ALPK2: variants seen among roughly 807,000 people sequenced by gnomAD.
The protein encoded by ALPK2 is alpha-protein kinase 2.
ALPK2 carries 127 observed loss-of-function variants against 163.1 expected under a neutral mutation model. The observed-to-expected ratio is 0.78, with a 90% CI of 0.67 to 0.90. The LOEUF (loss-of-function observed/expected upper bound fraction) is 0.90. Among genes scored for constraint, ALPK2 ranks in the 40% least tolerant of loss-of-function variants. ALPK2 has a pLI of 0.00. For synonymous variants in ALPK2, 953 were observed against 959.1 expected (o/e 0.99, Z 0.12); for missense variants, 2,360 against 2,589.6 (o/e 0.91, Z 1.92).
At chr18:58,531,648 GA>G (rs34960653) in intron 5 of ALPK2, among the ~76,000 whole-genome samples, 15,412 of 103,222 alleles carry the variant, frequency 0.15, 1,080 homozygotes, top group Middle Eastern at 0.3. Flanking sequence ...GTGATAAGTT[GA>G]AAAAAAAAAA....
intron 4 of ALPK2, among the ~76,000 whole-genome samples, chr18:58,552,719 G>A (rs948131564): frequency 2.0e-5 from 3 of 150,562 alleles, no homozygotes; most frequent in Admixed American, 6.6e-5. Context: ...CTTAGGGTCG[G>A]CAGGTGTTCT....
intron 4 of ALPK2, among the ~76,000 whole-genome samples, chr18:58,546,839 T>G (rs2051720095): frequency 6.6e-6 from 1 of 152,212 alleles, no homozygotes; most frequent in Admixed American, 6.5e-5. Flanking sequence ...TGCAACTGTA[T>G]GCAAACATAA....
intron 11 of ALPK2, among the ~76,000 whole-genome samples, chr18:58,503,155 G>A (rs116759454): frequency 1.0e-3 from 152 of 152,356 alleles, no homozygotes; most frequent in African/African-American, 3.6e-3. Flanking sequence ...AGAAGAAATG[G>A]TATTCCTAAA....
chr18:58,486,597 T>C (rs775255966), intron 12 of ALPK2, among the ~76,000 whole-genome samples: 14 of 152,192 alleles, frequency 9.2e-5, no homozygotes, highest in Non-Finnish European at 2.1e-4. Flanking sequence ...TGAACATCTC[T>C]TTCTCTAATT....
chr18:58,529,354 A>G, intron 5 of ALPK2, 116 bp from the exon 6 acceptor site: 1 of 1,151,594 alleles, frequency 8.7e-7, no homozygotes, highest in Non-Finnish European at 1.2e-6. Context: ...CAATTATGGA[A>G]GTGAGAATTG....
chr18:58,601,722 CCAATCCGT>C (rs2052070868), intron 3 of ALPK2, among the ~76,000 whole-genome samples: 3 of 152,124 alleles, frequency 2.0e-5, no homozygotes. Context: ...TCCAGCCCAG[CCAATCCGT>C]AAATGGACTT....
At chr18:58,578,233 T>A (rs2051932191) in intron 4 of ALPK2, 1 of 152,196 alleles carries the variant, frequency 6.6e-6, no homozygotes, top group Non-Finnish European at 1.5e-5. Context: ...ATCAAAAACA[T>A]CCCACCAGTG....
intron 4 of ALPK2, among the ~76,000 whole-genome samples, chr18:58,569,000 G>A (rs2051871315): frequency 6.6e-6 from 1 of 152,056 alleles, no homozygotes; most frequent in African/African-American, 2.4e-5. Flanking sequence ...AATCACTTGG[G>A]GCCAGGAGTT....
intron 9 of ALPK2, among the ~76,000 whole-genome samples, chr18:58,515,516 A>G (rs2051516672): frequency 6.6e-6 from 1 of 152,212 alleles, no homozygotes; most frequent in Admixed American, 6.5e-5. Context: ...TGCCTTAGGA[A>G]AAGCTAAGTG....
At chr18:58,499,562 C>T (rs572875518) in intron 11 of ALPK2, among the ~76,000 whole-genome samples, 2 of 152,346 alleles carry the variant, frequency 1.3e-5, no homozygotes, top group East Asian at 3.9e-4. Context: ...ATTCCTGTCT[C>T]CTTAGGGTGA....
rs2051943499 is a variant in ALPK2 at position 58,579,485 on chromosome 18, G to T, written c.1291C>A (p.Leu431Ile). The change falls in exon 4 of 13, where the codon CTC (leucine) becomes ATC (isoleucine). Residue 431 changes from leucine (L) to isoleucine (I), a missense_variant. Transcript: ENST00000361673. The part of the protein sequence containing the change: ...GPSSPQTGMT[L>I]ILGPHQDGTS... ...CCATCCTGGTGAGGTCCCAAAATGA[G>T]AGTCATCCCTGTTTGTGGGGATGAG... The T allele has an allele frequency of 6.2e-7, 1 of 1,613,998 alleles. No homozygotes were observed. The highest frequency in any genetic ancestry group is 8.5e-7 in the Non-Finnish European group (1 of 1,180,008).
chr18:58,562,694 CGTATATT>C (rs1427109312), intron 4 of ALPK2, among the ~76,000 whole-genome samples: 1 of 152,092 alleles, frequency 6.6e-6, no homozygotes, highest in Non-Finnish European at 1.5e-5. Flanking sequence ...CACAAAGGGC[CGTATATT>C]GGGTGGCTTA....
At chr18:58,534,626 C>T (rs1240779195) in intron 5 of ALPK2, among the ~76,000 whole-genome samples, 2 of 152,164 alleles carry the variant, frequency 1.3e-5, no homozygotes, top group Non-Finnish European at 2.9e-5. Context: ...AAATTTCACA[C>T]ACTGGGGGAG....
intron 3 of ALPK2, among the ~76,000 whole-genome samples, chr18:58,605,601 A>T (rs2052094045): frequency 6.6e-6 from 1 of 152,258 alleles, no homozygotes; most frequent in Non-Finnish European, 1.5e-5. Context: ...GTGCAACAAG[A>T]TCAAAGGAGA....
Position 58,536,183 on chromosome 18 carries a change from T to C in ALPK2, c.4004A>G (p.Gln1335Arg), listed in dbSNP as rs547744812. ...WRSLSSRGFS[Q>R]PRLLESSVDP... Reference sequence around the variant, plus strand: ...CACGGATGACTCCAGGAGTCTGGGTTGGCTGAAACCCCGGGAAGAAAGACT... The same window carrying C: ...CACGGATGACTCCAGGAGTCTGGGTCGGCTGAAACCCCGGGAAGAAAGACT... The change falls in exon 5 of 13, where the codon CAA (glutamine) becomes CGA (arginine). Residue 1335 changes from glutamine to arginine, a missense_variant. Coordinates refer to ENST00000361673, the MANE Select transcript of ALPK2 (RefSeq NM_052947.4). The C allele has an allele frequency of 1.2e-6, 2 of 1,614,168 alleles. No homozygotes were observed. The highest frequency in any genetic ancestry group is 2.2e-5 in the South Asian group (2 of 91,072).
At chr18:58,577,491 T>A (rs2051928073) in intron 4 of ALPK2, among the ~76,000 whole-genome samples, 1 of 152,248 alleles carries the variant, frequency 6.6e-6, no homozygotes, top group Non-Finnish European at 1.5e-5. Context: ...ATGCCATGTT[T>A]ATCAACATGA....
At chr18:58,502,133 TCCACACACACACACACAC>T (rs1245209369) in intron 11 of ALPK2, among the ~76,000 whole-genome samples, 1 of 83,546 alleles carries the variant, frequency 1.2e-5, no homozygotes, top group Non-Finnish European at 2.3e-5. Context: ...AAACCCCATC[TCCACACACACACACACAC>T]ACACACACAC....
At chr18:58,608,149 A>G (rs1429350449) in intron 2 of ALPK2, among the ~76,000 whole-genome samples, 1 of 152,240 alleles carries the variant, frequency 6.6e-6, no homozygotes, top group Non-Finnish European at 1.5e-5. Flanking sequence ...TGAAAATTAT[A>G]CTTTAATAGT....
rs537553185 is a variant in ALPK2 at position 58,572,164 on chromosome 18, A to G, written c.1962+6650T>C. On this transcript the variant is annotated intron_variant, in intron 4 of 12. Transcript: ENST00000361673. ...TTAAAAATGTTCAAAATTGTTAACCATTAGGGAAATGCAAATTAAAAGCTA... is the reference window on the plus strand; with the variant it reads ...TTAAAAATGTTCAAAATTGTTAACCGTTAGGGAAATGCAAATTAAAAGCTA... Among the ~76,000 whole-genome samples the G allele has an allele frequency of 2.6e-5, 4 of 152,290 alleles. No individual in the cohort carries two copies. The East Asian group carries it at 5.8e-4, about 22-fold the overall frequency.
Sources: allele counts gnomAD v4.1 joint callset (sites outside exome capture counted in the v4.1 genomes callset), GRCh38; gene constraint gnomAD v4.1.1; transcripts MANE v1.5; gene names NCBI Gene and HGNC (gene_info 2026-07-23, HGNC 2026-07-21).